PTBP3: variants seen among roughly 807,000 people sequenced by gnomAD.
PTBP3 encodes polypyrimidine tract-binding protein 3.
PTBP3 carries 20 observed loss-of-function variants against 58.7 expected under a neutral mutation model. The observed-to-expected ratio is 0.34, with a 90% CI of 0.24 to 0.50. The LOEUF is 0.50. Ranked by LOEUF, PTBP3 falls within the 20% of genes least tolerant of loss-of-function variation. PTBP3 has a pLI of 0.98. For missense variants in PTBP3, 509 were observed against 637.2 expected (o/e 0.80, Z 2.17); for synonymous variants, 185 against 219.8 (o/e 0.84, Z 1.40).
chr9:112,349,796 G>A, the PTBP3 span, among the ~76,000 whole-genome samples: 1 of 140,860 alleles, frequency 7.1e-6, no homozygotes, highest in Admixed American at 7.6e-5. Flanking sequence ...TCTGGGAGAT[G>A]AAGGTTGCGG....
At chr9:112,231,557 T>C (rs762653629) in intron 9 of PTBP3, 144 bp from the exon 10 acceptor site, 5 of 598,854 alleles carry the variant, frequency 8.3e-6, no homozygotes, top group African/African-American at 2.0e-5. Context: ...TGAATTTTAA[T>C]AGAAGTTCTT....
chr9:112,287,347 T>G (rs1187028516), intron 2 of PTBP3, among the ~76,000 whole-genome samples: 1 of 145,996 alleles, frequency 6.8e-6, no homozygotes, highest in East Asian at 2.0e-4. Context: ...TTTTGTTTTT[T>G]TTTTTTTTTT....
chr9:112,335,606 T>C (rs1480594999), upstream of PTBP3, among the ~76,000 whole-genome samples: 1 of 143,984 alleles, frequency 6.9e-6, no homozygotes, highest in Non-Finnish European at 1.5e-5. Flanking sequence ...TTTCTTTTTT[T>C]TTTTTTTTTT....
chr9:112,245,882 GTCCT>G (rs1400852678), intron 7 of PTBP3, among the ~76,000 whole-genome samples: 1 of 152,124 alleles, frequency 6.6e-6, no homozygotes, highest in Non-Finnish European at 1.5e-5. Context: ...GAATCTATGA[GTCCT>G]TACTGACATG....
chr9:112,236,347 G>C (rs1445755741), intron 7 of PTBP3, among the ~76,000 whole-genome samples: 1 of 152,096 alleles, frequency 6.6e-6, no homozygotes, highest in Non-Finnish European at 1.5e-5. Context: ...AGCATATCAT[G>C]AGCTAAGCAT....
At chr9:112,305,502 C>CT (rs1196311729) in intron 1 of PTBP3, among the ~76,000 whole-genome samples, 6 of 152,172 alleles carry the variant, frequency 3.9e-5, no homozygotes, top group African/African-American at 1.4e-4. Context: ...GTTGATAATA[C>CT]TCCTTGCCTA....
At position 112,275,990 on chromosome 9, in the gene PTBP3, AT is replaced by A; in HGVS notation, c.57del (p.Lys19AsnfsTer32). 6.2e-7 allele frequency: 1 copy of A among 1,612,440 alleles called. No individual in the cohort carries two copies. The highest frequency in any genetic ancestry group is 8.5e-7 in the Non-Finnish European group (1 of 1,179,296). On this transcript the variant is annotated frameshift_variant, in exon 3 of 14. Coordinates refer to ENST00000374257, the MANE Select transcript of PTBP3 (RefSeq NM_001163788.4). LOFTEE classifies it high-confidence loss of function. ...GAACAGGGAGGTCTATCTCGTTTAA[AT>A]TTCTTGCTGTCATTCCCATTAGCTA... ...GVYANGNDSK[K>X]FKRDRPPCSP...
At chr9:112,250,257 C>T (rs1836053508) in intron 7 of PTBP3, among the ~76,000 whole-genome samples, 1 of 152,018 alleles carries the variant, frequency 6.6e-6, no homozygotes, top group Admixed American at 6.6e-5. Context: ...AAGTAATAAA[C>T]CACACTTTTG....
intron 1 of PTBP3, among the ~76,000 whole-genome samples, chr9:112,302,576 C>G (rs1051559782): frequency 8.7e-6 from 1 of 114,400 alleles, no homozygotes; most frequent in African/African-American, 3.4e-5. Context: ...TGACTATATT[C>G]TTCATCTTTT....
chr9:112,239,445 A>C (rs1397522029), intron 7 of PTBP3, among the ~76,000 whole-genome samples: 5 of 152,116 alleles, frequency 3.3e-5, no homozygotes, highest in Non-Finnish European at 7.4e-5. Context: ...ATGGAAAAAA[A>C]CAGGCTGGGC....
chr9:112,243,173 T>A (rs569336746), intron 7 of PTBP3, among the ~76,000 whole-genome samples: 8 of 148,598 alleles, frequency 5.4e-5, no homozygotes, highest in African/African-American at 2.0e-4. Context: ...CTACTCTAAA[T>A]GCTTTCTTTT....
At chr9:112,299,721 C>T (rs561760555) in intron 1 of PTBP3, among the ~76,000 whole-genome samples, 2 of 152,154 alleles carry the variant, frequency 1.3e-5, no homozygotes, top group Admixed American at 1.3e-4. Context: ...ACTCCCTCCC[C>T]CCATTGACAA....
intron 1 of PTBP3, among the ~76,000 whole-genome samples, chr9:112,326,116 C>T (rs536884730): frequency 6.6e-6 from 1 of 152,206 alleles, no homozygotes; most frequent in African/African-American, 2.4e-5. Flanking sequence ...TTCTAGACTG[C>T]GTGTTCTATT....
Position 112,222,855 on chromosome 9 carries a change from A to G in PTBP3, c.*996T>C. The G allele has an allele frequency of 1.1e-6, 1 of 893,796 alleles. No individual in the cohort carries two copies. The highest frequency in any genetic ancestry group is 1.8e-5 in the African/African-American group (1 of 55,294). The allele number at this position is 893,796 out of a possible 1,614,324, so 55.4% of individuals were successfully genotyped here. A position where few individuals can be genotyped will look rare whatever the true frequency, so the allele number is the denominator to read the frequency against. ...ATTCTGAGTAAGTATTAGAGATTAT[A>G]GTGGTACAAAAAACCCTTGAGATTA... On this transcript the variant is annotated 3_prime_UTR_variant, in exon 14 of 14. Coordinates refer to ENST00000374257, the MANE Select transcript of PTBP3 (RefSeq NM_001163788.4).
At chr9:112,264,992 TA>T (rs1215455577) in intron 4 of PTBP3, among the ~76,000 whole-genome samples, 1 of 152,120 alleles carries the variant, frequency 6.6e-6, no homozygotes, top group Non-Finnish European at 1.5e-5. Context: ...ACAAACAAAA[TA>T]TAACTTTCTT....
chr9:112,333,343 G>GGCCGGGGCCGCTCCTCCGGCC (rs1487592734), intron 1 of PTBP3, 127 bp downstream of exon 1: 5 of 1,159,326 alleles, frequency 4.3e-6, no homozygotes, highest in East Asian at 3.3e-5. Flanking sequence ...CGTCGGGCTT[G>GGCCGGGGCCGCTCCTCCGGCC]GCCGGGGCCG....
upstream of PTBP3, chr9:112,333,621 G>T (rs543302715): frequency 4.3e-6 from 4 of 924,206 alleles, no homozygotes; most frequent in Admixed American, 1.0e-4. Flanking sequence ...AAGGAGAGTG[G>T]GAACAGGGGC....
rs1475209050 is a variant in PTBP3, at chr9:112,294,958, G to C, written c.34+2874C>G. ...AATATTTGAAGTAATAGTTACTTAA[G>C]AAGTTAATCTCAGGCTCACGCCTGT... On this transcript the variant is annotated intron_variant, in intron 2 of 13. Coordinates refer to ENST00000374257, the MANE Select transcript of PTBP3 (RefSeq NM_001163788.4). Among the ~76,000 whole-genome samples the C allele has an allele frequency of 3.3e-5, 5 of 152,184 alleles. No homozygotes were observed. In the East Asian group the frequency reaches 9.6e-4, roughly 29 times the overall value.
At chr9:112,339,090 C>G in the PTBP3 span, among the ~76,000 whole-genome samples, 1 of 151,912 alleles carries the variant, frequency 6.6e-6, no homozygotes, top group Admixed American at 6.6e-5. Flanking sequence ...GAAAATCATC[C>G]TTTAAGATTT....
Sources: allele counts gnomAD v4.1 joint callset (sites outside exome capture counted in the v4.1 genomes callset), GRCh38; gene constraint gnomAD v4.1.1; transcripts MANE v1.5; gene names NCBI Gene and HGNC (gene_info 2026-07-23, HGNC 2026-07-21).